The following WNT7B variants were observed in gnomAD, a reference collection of about 807,000 sequenced individuals.
WNT7B encodes Wnt family member 7B.
WNT7B carries 19 observed loss-of-function variants against 38.2 expected under a neutral mutation model. The observed-to-expected ratio is 0.50, with a 90% CI of 0.35 to 0.73. The LOEUF (loss-of-function observed/expected upper bound fraction) is 0.73, where lower values mean the gene tolerates loss of function less well. WNT7B is among the 30% of genes least tolerant of loss of function. The probability of loss-of-function intolerance (pLI) is 0.01; values close to 1 mark genes in which losing one functional copy is unlikely to be tolerated. For synonymous variants in WNT7B, 243 were observed against 209.3 expected, an observed-to-expected ratio of 1.16 and a Z score of -1.39; for missense variants, 423 against 507.9, an observed-to-expected ratio of 0.83 and a Z score of 1.61.
rs567265000 is a variant in WNT7B, at chr22:45,924,001, G to A, written c.571-666C>T. Among the ~76,000 whole-genome samples, 6 of 152,338 alleles carry A rather than the reference G, an allele frequency of 3.9e-5. No individual in the cohort carries two copies. The South Asian group carries it at 6.2e-4, about 16-fold the overall frequency. ...ACAAGGGCCCTCCACGGGTGCAGCCGAGTGTTTTCCTTGGGCCTCCCTCCA... is the reference window on the plus strand; with the variant it reads ...ACAAGGGCCCTCCACGGGTGCAGCCAAGTGTTTTCCTTGGGCCTCCCTCCA... On this transcript the variant is annotated intron_variant, in intron 3 of 3. Transcript: ENST00000339464.
chr22:45,935,323 C>G (rs970627229), intron 2 of WNT7B, among the ~76,000 whole-genome samples: 4 of 152,238 alleles, frequency 2.6e-5, no homozygotes, highest in South Asian at 4.1e-4. Flanking sequence ...CCCAAGGCCC[C>G]AGAGGCCTGA....
Position 45,976,920 on chromosome 22 carries a change from G to A in WNT7B, c.-166C>T, listed in dbSNP as rs1191688036. ...GCACTCGGCGCGCGCTGCCACCATG[G>A]TGAGCCCGGGATGCCGCCGCCGCCA... On this transcript the variant is annotated 5_prime_UTR_variant, in exon 1 of 4. Transcript: ENST00000339464. This position sits in a 1 kb window ranked among gnomAD's most constrained non-coding sequence, Gnocchi z 8.5. The A allele has an allele frequency of 1.0e-6, 1 of 992,304 alleles. No individual in the cohort carries two copies. The highest frequency in any genetic ancestry group is 1.2e-6 in the Non-Finnish European group (1 of 834,818). 61.5% of individuals were successfully genotyped at this position (992,304 alleles called of 1,614,324 possible).
intron 1 of WNT7B, chr22:45,972,370 G>GC (rs1932467009): frequency 3.0e-6 from 1 of 333,502 alleles, no homozygotes; most frequent in Non-Finnish European, 5.4e-6. Context: ...GGTCTCGTGG[G>GC]CCCGGGCGCA....
At chr22:45,931,433 C>T in intron 2 of WNT7B, 64 bp from the exon 3 acceptor site, 2 of 1,492,628 alleles carry the variant, frequency 1.3e-6, no homozygotes, top group Non-Finnish European at 1.8e-6. Flanking sequence ...GCTCAGGGGA[C>T]AGGGTGCCGG....
chr22:45,931,028 G>T, intron 3 of WNT7B, 70 bp downstream of exon 3: 1 of 1,482,776 alleles, frequency 6.7e-7, no homozygotes, highest in African/African-American at 1.4e-5. Context: ...AGGAGCCTGA[G>T]GCTCCGAGAG....
At position 45,957,632 on chromosome 22, in the gene WNT7B, G is replaced by A. The variant is rs375858401; in HGVS notation, c.72-7486C>T. Among the ~76,000 whole-genome samples the A allele has an allele frequency of 2.4e-4, 29 of 121,128 alleles. No homozygotes were observed. The East Asian group carries it at 5.0e-3, about 21-fold the overall frequency. 79.5% of individuals were successfully genotyped at this position (121,128 alleles called of 152,430 possible). On this transcript the variant is annotated intron_variant, in intron 1 of 3. Coordinates refer to ENST00000339464, the MANE Select transcript of WNT7B (RefSeq NM_058238.3). The stretch of plus-strand genomic sequence containing the variant: ...CAGGAGGCGAAAGTTGCAGTGAGCC[G>A]AGATCATGCCACTGCACTCCAGCCT...
chr22:45,932,420 C>CCCCG (rs1931394599), intron 2 of WNT7B, among the ~76,000 whole-genome samples: 1 of 151,958 alleles, frequency 6.6e-6, no homozygotes, highest in African/African-American at 2.4e-5. Flanking sequence ...TCCCAGACCC[C>CCCCG]CCCCGCCAGA....
intron 1 of WNT7B, among the ~76,000 whole-genome samples, chr22:45,971,687 G>A (rs550375063): frequency 3.9e-5 from 6 of 152,306 alleles, no homozygotes; most frequent in Non-Finnish European, 7.4e-5. Flanking sequence ...GGTGAAGCGC[G>A]GCGTGCACGT....
chr22:45,938,007 TA>T (rs796144544), intron 2 of WNT7B, among the ~76,000 whole-genome samples: 83 of 146,782 alleles, frequency 5.7e-4, no homozygotes, highest in East Asian at 1.4e-3. Context: ...AGACTCCGTC[TA>T]AAAAAAAAAA....
At chr22:45,941,751 A>G (rs115189118) in intron 2 of WNT7B, among the ~76,000 whole-genome samples, 1 of 151,914 alleles carries the variant, frequency 6.6e-6, no homozygotes, top group Admixed American at 6.6e-5. Context: ...CCCGGGGCCA[A>G]CTCCCCATGG....
At chr22:45,925,302 G>C in intron 3 of WNT7B, 1 of 985,440 alleles carries the variant, frequency 1.0e-6, no homozygotes, top group South Asian at 4.7e-5. Context: ...GCCTGGAGCT[G>C]GGGTGTTTTC....
At chr22:45,956,260 C>T (rs1301291432) in intron 1 of WNT7B, among the ~76,000 whole-genome samples, 1 of 152,206 alleles carries the variant, frequency 6.6e-6, no homozygotes, top group African/African-American at 2.4e-5. Flanking sequence ...AGCTCCCATC[C>T]ATCTCAGAGC....
chr22:45,946,727 G>T (rs958712467), intron 2 of WNT7B, among the ~76,000 whole-genome samples: 3 of 152,196 alleles, frequency 2.0e-5, no homozygotes, highest in African/African-American at 7.2e-5. Flanking sequence ...CCAGCACAGG[G>T]TCCTTAGAAG....
At chr22:45,925,062 GCCC>G in intron 3 of WNT7B, 1 of 978,278 alleles carries the variant, frequency 1.0e-6, no homozygotes, top group Non-Finnish European at 1.2e-6. Context: ...TGCTGGGTGG[GCCC>G]TAGGCTGGCA....
chr22:45,925,782 G>T (rs917498406), intron 3 of WNT7B: 1 of 985,288 alleles, frequency 1.0e-6, no homozygotes, highest in African/African-American at 1.7e-5. Context: ...GGAGTTCCCA[G>T]CCGGGAGAAG....
At chr22:45,954,329 T>C (rs1020643134) in intron 1 of WNT7B, among the ~76,000 whole-genome samples, 71 of 152,294 alleles carry the variant, frequency 4.7e-4, no homozygotes, top group African/African-American at 1.7e-3. Flanking sequence ...GTTCTGGAAC[T>C]GGGGGTAGTG....
rs1045706329 is a variant in WNT7B at position 45,951,736 on chromosome 22, G to A, written c.72-1590C>T. Reference sequence around the variant, plus strand: ...CAGTGCTTCATGCGTTTGTAAGGCTGAGTGATATTCCATTGTGTGGACAGA... The same window carrying A: ...CAGTGCTTCATGCGTTTGTAAGGCTAAGTGATATTCCATTGTGTGGACAGA... On this transcript the variant is annotated intron_variant, in intron 1 of 3. Transcript: ENST00000339464. The surrounding 1 kb of genome is among the most constrained non-coding windows in gnomAD (Gnocchi z 4.8). Among the ~76,000 whole-genome samples, 1 of 152,162 alleles carries A rather than the reference G, an allele frequency of 6.6e-6. No homozygotes were observed. Among genetic ancestry groups the A allele is most frequent in the Non-Finnish European group, 1.5e-5 (1 of 68,038 alleles).
chr22:45,924,667 G>C (rs1427594022), intron 3 of WNT7B, among the ~76,000 whole-genome samples: 1 of 151,974 alleles, frequency 6.6e-6, no homozygotes, highest in Non-Finnish European at 1.5e-5. Context: ...GTGGGCCCTA[G>C]GCTGGCAGGT....
chr22:45,926,624 A>T lies in WNT7B; in HGVS notation c.571-3289T>A, dbSNP rs947884390. On this transcript the variant is annotated intron_variant, in intron 3 of 3. Coordinates refer to ENST00000339464, the MANE Select transcript of WNT7B (RefSeq NM_058238.3). Reference sequence around the variant, plus strand: ...AGGCACCTCACCCTGGATCCTGGCCATGGCCTGCGGCTGTGGAATGAGGTG... The same window carrying T: ...AGGCACCTCACCCTGGATCCTGGCCTTGGCCTGCGGCTGTGGAATGAGGTG... The T allele has an allele frequency of 4.1e-6, 4 of 985,240 alleles. No individual in the cohort carries two copies. In the Admixed American group the frequency reaches 1.8e-4, roughly 45 times the overall value. The allele number at this position is 985,240 out of a possible 1,614,324, so 61.0% of individuals were successfully genotyped here.
Sources: gnomAD v4.1 joint callset for allele counts (sites outside exome capture counted in the v4.1 genomes callset) on GRCh38, gnomAD v4.1.1 for gene constraint, Gnocchi (gnomAD v3.1) non-coding constraint, MANE v1.5 for transcripts, NCBI Gene and HGNC (gene_info 2026-07-23, HGNC 2026-07-21) for gene names.